The following GRIK2 variants were observed in gnomAD, a reference collection of about 807,000 sequenced individuals.
GRIK2 encodes glutamate receptor ionotropic, kainate 2.
Under a neutral mutation model 100.3 loss-of-function variants are expected in GRIK2, and 32 were observed. The ratio of observed to expected loss-of-function variants is 0.32; its 90% CI spans 0.24 to 0.43. The LOEUF (loss-of-function observed/expected upper bound fraction) is 0.43. GRIK2 is among the 20% of genes least tolerant of loss of function. The pLI is 1.00. For missense variants in GRIK2, 843 were observed against 1,114.9 expected (o/e 0.76, Z 3.47); for synonymous variants, 417 against 389.4 (o/e 1.07, Z -0.83).
At chr6:101,809,423 C>T (rs2128417812) in intron 9 of GRIK2, among the ~76,000 whole-genome samples, 1 of 152,066 alleles carries the variant, frequency 6.6e-6, no homozygotes, top group East Asian at 1.9e-4. Context: ...CATTAAACTT[C>T]ATATGAAAAA....
intron 7 of GRIK2, among the ~76,000 whole-genome samples, chr6:101,722,177 T>C (rs1774530514): frequency 6.6e-6 from 1 of 151,934 alleles, no homozygotes; most frequent in Non-Finnish European, 1.5e-5. Context: ...TATTCTTCTT[T>C]TCAAGAGAGA....
intron 2 of GRIK2, among the ~76,000 whole-genome samples, chr6:101,422,751 T>A (rs1176437931): frequency 6.6e-6 from 1 of 152,112 alleles, no homozygotes; most frequent in Non-Finnish European, 1.5e-5. Flanking sequence ...TTTCTTAACA[T>A]TGAAAAATCA....
chr6:101,791,918 T>C (rs1434457158), intron 7 of GRIK2, among the ~76,000 whole-genome samples: 1 of 152,078 alleles, frequency 6.6e-6, no homozygotes, highest in African/African-American at 2.4e-5. Context: ...ATATTTAGGA[T>C]AGTTATCTCT....
chr6:101,479,049 G>T (rs1319492718), intron 2 of GRIK2, among the ~76,000 whole-genome samples: 1 of 152,116 alleles, frequency 6.6e-6, no homozygotes, highest in South Asian at 2.1e-4. Context: ...CCAAAAAAAT[G>T]TGTAGTCATG....
chr6:101,546,716 A>G (rs1362792052), intron 2 of GRIK2, among the ~76,000 whole-genome samples: 1 of 150,774 alleles, frequency 6.6e-6, no homozygotes, highest in Non-Finnish European at 1.5e-5. Context: ...GTTCTATAAT[A>G]TTATCTCCTT....
chr6:101,944,118 A>G (rs998598407), intron 14 of GRIK2, among the ~76,000 whole-genome samples: 1 of 151,982 alleles, frequency 6.6e-6, no homozygotes, highest in African/African-American at 2.4e-5. Context: ...AGTGTGTGGC[A>G]CCTACCCCTT....
intron 2 of GRIK2, among the ~76,000 whole-genome samples, chr6:101,518,375 T>C (rs931550081): frequency 5.9e-5 from 9 of 152,132 alleles, no homozygotes; most frequent in African/African-American, 2.2e-4. Context: ...TAATTTTCTT[T>C]TTTTAAAGGT....
chr6:101,789,636 A>G (rs549915594), intron 7 of GRIK2, among the ~76,000 whole-genome samples: 9 of 152,112 alleles, frequency 5.9e-5, no homozygotes, highest in South Asian at 2.1e-4. Flanking sequence ...AAGTCAGGTA[A>G]TGTGATGCCT....
chr6:101,773,602 A>C (rs1041739411), intron 7 of GRIK2, among the ~76,000 whole-genome samples: 4 of 151,876 alleles, frequency 2.6e-5, no homozygotes, highest in African/African-American at 7.2e-5. Flanking sequence ...AAAACCAAAA[A>C]CTCTGTCCCA....
rs1345020255 is a variant in GRIK2 at position 101,859,453 on chromosome 6, A to G, written c.1484A>G (p.Asn495Ser). The G allele has an allele frequency of 2.5e-6, 4 of 1,608,762 alleles. No homozygotes were observed. The highest frequency in any genetic ancestry group is 1.7e-5 in the Admixed American group (1 of 59,994). Residue 495 changes from asparagine to serine, a missense_variant, in exon 11 of 17, where the codon AAT becomes AGT. Physicochemically the swap from Asn to Ser is conservative, Grantham distance 46. Transcript: ENST00000369134. Reference protein sequence around the residue: ...DGKYGAQDDANGQWNGMVREL... With the variant: ...DGKYGAQDDASGQWNGMVREL... ...AAATATGGAGCCCAGGATGATGCCA[A>G]TGGACAATGGAATGGAATGGTTCGT...
intron 2 of GRIK2, among the ~76,000 whole-genome samples, chr6:101,509,333 T>C (rs144344655): frequency 2.0e-3 from 303 of 152,280 alleles, no homozygotes; most frequent in Non-Finnish European, 3.4e-3. Context: ...GCCTTCAGTG[T>C]ATGCAAATTG....
chr6:101,416,459 CTT>C (rs897391017), intron 2 of GRIK2, among the ~76,000 whole-genome samples: 24 of 152,240 alleles, frequency 1.6e-4, no homozygotes, highest in African/African-American at 5.8e-4. Context: ...TCAGACTTCT[CTT>C]TGCTTTTTGA....
chr6:101,741,399 T>A (rs1423189387), intron 7 of GRIK2, among the ~76,000 whole-genome samples: 1 of 152,208 alleles, frequency 6.6e-6, no homozygotes, highest in African/African-American at 2.4e-5. Flanking sequence ...GTTCAAATGG[T>A]TGGGGTCCTG....
intron 2 of GRIK2, among the ~76,000 whole-genome samples, chr6:101,468,679 T>G (rs949533056): frequency 6.6e-5 from 10 of 152,270 alleles, no homozygotes; most frequent in African/African-American, 2.4e-4. Context: ...CACATTTTCC[T>G]GTACAACTGG....
intron 9 of GRIK2, among the ~76,000 whole-genome samples, chr6:101,816,033 G>T (rs1019779789): frequency 6.6e-6 from 1 of 152,104 alleles, no homozygotes; most frequent in African/African-American, 2.4e-5. Flanking sequence ...TAAGTTGAGT[G>T]AACATTTAGC....
At chr6:102,037,246 A>G (rs2114434835) in intron 15 of GRIK2, among the ~76,000 whole-genome samples, 1 of 151,416 alleles carries the variant, frequency 6.6e-6, no homozygotes, top group South Asian at 2.1e-4. Flanking sequence ...CAAAATAGGC[A>G]AGTGTAGCTG....
intron 14 of GRIK2, among the ~76,000 whole-genome samples, chr6:102,009,729 A>G (rs1795421889): frequency 1.3e-5 from 2 of 152,102 alleles, no homozygotes; most frequent in African/African-American, 2.4e-5. Context: ...CCAAACTCTT[A>G]CGGTGTAAAC....
chr6:101,751,730 A>G (rs1216586780), intron 7 of GRIK2, among the ~76,000 whole-genome samples: 1 of 152,188 alleles, frequency 6.6e-6, no homozygotes, highest in African/African-American at 2.4e-5. Context: ...CAACATGTTC[A>G]TCTGTCCTCT....
chr6:101,903,793 A>AT (rs974106253), intron 12 of GRIK2, among the ~76,000 whole-genome samples: 52 of 151,170 alleles, frequency 3.4e-4, no homozygotes, highest in Non-Finnish European at 6.4e-4. Context: ...GCAAAAAAAA[A>AT]AATAATAGTT....
Sources: allele counts gnomAD v4.1 joint callset (sites outside exome capture counted in the v4.1 genomes callset), GRCh38; gene constraint gnomAD v4.1.1; transcripts MANE v1.5; gene names NCBI Gene and HGNC (gene_info 2026-07-23, HGNC 2026-07-21).